Variants in EXD3 observed in about 807,000 individuals in gnomAD.
The protein encoded by EXD3 is exonuclease mut-7 homolog.
Under a neutral mutation model 98.0 loss-of-function variants are expected in EXD3, and 92 were observed. The observed-to-expected ratio is 0.94, with a 90% CI of 0.79 to 1.12. The LOEUF (loss-of-function observed/expected upper bound fraction) is 1.12, where lower values mean the gene tolerates loss of function less well. EXD3 is among the 50% of genes most tolerant of loss of function. The probability of loss-of-function intolerance (pLI) is 0.00; values close to 1 mark genes in which losing one functional copy is unlikely to be tolerated. For missense variants in EXD3, 1,222 were observed against 1,191.6 expected (o/e 1.03, Z -0.38); for synonymous variants, 569 against 526.0 (o/e 1.08, Z -1.12).
chr9:137,354,144 G>A, intron 10 of EXD3, 195 bp downstream of exon 10: 1 of 1,424,686 alleles, frequency 7.0e-7, no homozygotes, highest in Non-Finnish European at 9.2e-7. Context: ...GATGCCCTCG[G>A]CTCCCGCTCA....
rs1837590148 is a variant in EXD3, at chr9:137,403,867, A to C, written c.-47-8463T>G. Among the ~76,000 whole-genome samples, 1 of 152,220 alleles carries C rather than the reference A, an allele frequency of 6.6e-6. No homozygotes were observed. On this transcript the variant is annotated intron_variant, in intron 1 of 21. Coordinates refer to ENST00000340951, the MANE Select transcript of EXD3 (RefSeq NM_017820.5). This position sits in a 1 kb window ranked among gnomAD's most constrained non-coding sequence, Gnocchi z 6.1. ...ATGAAGGGGAAGACAGACCTGTGGGATAGGGATGGGTCCCGAGGCGGGGCA... is the reference window on the plus strand; with the variant it reads ...ATGAAGGGGAAGACAGACCTGTGGGCTAGGGATGGGTCCCGAGGCGGGGCA...
rs559247739 is a variant in EXD3, at chr9:137,383,266, T to C, written c.120+47A>G. On this transcript the variant is annotated intron_variant, in intron 3 of 21. Transcript: ENST00000340951. ...AGGCCAGTCTCTGCCCAACAGTCAG[T>C]TCTGCTGGCTGTGACTTGGCACGTG... 1.1e-5 allele frequency: 16 copies of C among 1,475,230 alleles called. No individual in the cohort carries two copies. In the East Asian group the frequency reaches 4.0e-4, roughly 36 times the overall value. 91.4% of individuals were successfully genotyped at this position (1,475,230 alleles called of 1,614,324 possible).
In EXD3 at chr9:137,330,064, GCTACACAGGAA is replaced by G. The variant is rs1304406800; in HGVS notation, c.1999-5932_1999-5922del. Among the ~76,000 whole-genome samples, 525 of 127,430 alleles carry G rather than the reference GCTACACAGGAA, an allele frequency of 4.1e-3. 31 individuals carry two copies. Among genetic ancestry groups the G allele is most frequent in the African/African-American group, 0.016 (489 of 31,016 alleles). The allele number at this position is 127,430 out of a possible 152,430, so 83.6% of individuals were successfully genotyped here. On this transcript the variant is annotated intron_variant, in intron 17 of 21. Transcript: ENST00000340951. ...CGGAGCTACACGGGACTACACAGGA[GCTACACAGGAA>G]CTACACAGGAGCTACACAGGGCTCC...
At chr9:137,413,445 C>T (rs1275099081) in intron 1 of EXD3, among the ~76,000 whole-genome samples, 1 of 151,784 alleles carries the variant, frequency 6.6e-6, no homozygotes, top group Non-Finnish European at 1.5e-5. Context: ...TGTGATCTGC[C>T]CGCATCAGCC....
intron 3 of EXD3, among the ~76,000 whole-genome samples, chr9:137,377,917 C>T (rs1421928234): frequency 6.7e-6 from 1 of 148,888 alleles, no homozygotes; most frequent in Non-Finnish European, 1.5e-5. Flanking sequence ...CCTCAGCCTC[C>T]CAGGTAGCTG....
At chr9:137,311,675 C>G (rs1588216306) in intron 19 of EXD3, among the ~76,000 whole-genome samples, 1 of 152,216 alleles carries the variant, frequency 6.6e-6, no homozygotes, top group African/African-American at 2.4e-5. Context: ...CCACAAGGCC[C>G]TGGGAGGCCC....
intron 17 of EXD3, among the ~76,000 whole-genome samples, chr9:137,334,127 G>A (rs1411417385): frequency 7.9e-5 from 12 of 151,884 alleles, no homozygotes; most frequent in African/African-American, 2.7e-4. Context: ...TCAGCCTCCC[G>A]AGTAGCTGGG....
At chr9:137,422,598 C>T (rs1051506657) in intron 1 of EXD3, among the ~76,000 whole-genome samples, 24 of 152,214 alleles carry the variant, frequency 1.6e-4, no homozygotes, top group African/African-American at 5.5e-4. Context: ...GACCTCTGTG[C>T]CTGAATAAAC....
chr9:137,390,747 C>T (rs750893822), intron 2 of EXD3, among the ~76,000 whole-genome samples: 2 of 152,206 alleles, frequency 1.3e-5, no homozygotes, highest in Admixed American at 6.5e-5. Context: ...GGTTTGGCTC[C>T]GCAGCCTTGG....
rs924927735 is a variant in EXD3 at position 137,391,458 on chromosome 9, T to C, written c.55+3845A>G. 3.3e-5 allele frequency among the ~76,000 whole-genome samples: 5 copies of C among 152,178 alleles called. No homozygotes were observed. In the East Asian group the frequency reaches 5.8e-4, roughly 18 times the overall value. On this transcript the variant is annotated intron_variant, in intron 2 of 21. Coordinates refer to ENST00000340951, the MANE Select transcript of EXD3 (RefSeq NM_017820.5). Reference sequence around the variant, plus strand: ...CAGCCTCAGCCTTGGAGGCTCCCATTGTCCGGAGCCCAGCAAGATGGGGAG... The same window carrying C: ...CAGCCTCAGCCTTGGAGGCTCCCATCGTCCGGAGCCCAGCAAGATGGGGAG...
chr9:137,310,387 C>G (rs1002162205), intron 19 of EXD3, among the ~76,000 whole-genome samples: 1 of 152,202 alleles, frequency 6.6e-6, no homozygotes, highest in African/African-American at 2.4e-5. Flanking sequence ...CACCACCACA[C>G]TCAGCTAATT....
At chr9:137,417,307 G>A (rs1271071861) in intron 1 of EXD3, among the ~76,000 whole-genome samples, 2 of 152,214 alleles carry the variant, frequency 1.3e-5, no homozygotes, top group South Asian at 2.1e-4. Flanking sequence ...GGCGGCGGGT[G>A]GTGAGCACAG....
intron 8 of EXD3, among the ~76,000 whole-genome samples, chr9:137,355,702 G>T (rs1834726487): frequency 2.7e-5 from 4 of 147,318 alleles, no homozygotes; most frequent in African/African-American, 1.0e-4. Flanking sequence ...AGGGAGGAAG[G>T]AGGAAGGAGG....
chr9:137,337,898 C>T (rs1228699514), intron 17 of EXD3, among the ~76,000 whole-genome samples: 1 of 151,974 alleles, frequency 6.6e-6, no homozygotes, highest in Non-Finnish European at 1.5e-5. Flanking sequence ...TGCCATTCTC[C>T]TGCCTCAGCC....
Position 137,395,399 on chromosome 9 carries a change from GA to G in EXD3, c.-43del, listed in dbSNP as rs781594574. 6.8e-6 allele frequency: 11 copies of G among 1,612,822 alleles called. No individual in the cohort carries two copies. The highest frequency in any genetic ancestry group is 1.1e-5 in the South Asian group (1 of 91,060). On this transcript the variant is annotated 5_prime_UTR_variant, in exon 2 of 22. Coordinates refer to ENST00000340951, the MANE Select transcript of EXD3 (RefSeq NM_017820.5). The surrounding 1 kb of genome is among the most constrained non-coding windows in gnomAD (Gnocchi z 6.5). ...AGGACGCTGGCAGGCAGCTAGGAAC[GA>G]GGATCTGCAGAAACAGACAATCAGG...
Position 137,383,557 on chromosome 9 carries a change from C to T in EXD3, c.56-180G>A, listed in dbSNP as rs1836432973. On this transcript the variant is annotated intron_variant, in intron 2 of 21. Transcript: ENST00000340951. ...ACAACACACCTGCCAGCTGCGGCAG[C>T]ACCCACCCTGTTCCTTCCCTGTGGC... Among the ~76,000 whole-genome samples, 3 of 152,206 alleles carry T rather than the reference C, an allele frequency of 2.0e-5. No individual in the cohort carries two copies. In the South Asian group the frequency reaches 6.2e-4, roughly 31 times the overall value.
chr9:137,399,360 C>T (rs1220849422), intron 1 of EXD3, among the ~76,000 whole-genome samples: 1 of 152,230 alleles, frequency 6.6e-6, no homozygotes, highest in African/African-American at 2.4e-5. Context: ...CCTCCACGCC[C>T]TCAGTTCTGT....
intron 2 of EXD3, among the ~76,000 whole-genome samples, chr9:137,390,748 G>A (rs993203743): frequency 6.6e-6 from 1 of 152,176 alleles, no homozygotes; most frequent in Non-Finnish European, 1.5e-5. Context: ...GTTTGGCTCC[G>A]CAGCCTTGGA....
At chr9:137,316,250 G>C (rs959059492) in intron 19 of EXD3, among the ~76,000 whole-genome samples, 7 of 151,824 alleles carry the variant, frequency 4.6e-5, no homozygotes, top group African/African-American at 1.4e-4. Context: ...GGCCGGCCTT[G>C]GAAACGGCCA....
Sources: allele counts gnomAD v4.1 joint callset (sites outside exome capture counted in the v4.1 genomes callset), GRCh38; gene constraint gnomAD v4.1.1; non-coding constraint Gnocchi (gnomAD v3.1); transcripts MANE v1.5; gene names NCBI Gene and HGNC (gene_info 2026-07-23, HGNC 2026-07-21).